The following SLC22A14 variants were observed in gnomAD, a reference collection of about 807,000 sequenced individuals.
SLC22A14 encodes the protein solute carrier family 22 member 14.
A neutral mutation model predicts 53.9 loss-of-function variants in SLC22A14; 50 were observed. The ratio of observed to expected loss-of-function variants is 0.93; its 90% CI spans 0.74 to 1.17. The LOEUF is 1.17. SLC22A14 is among the 50% of genes most tolerant of loss of function. The pLI, the probability that SLC22A14 is intolerant of heterozygous loss-of-function variation, is 0.00. For synonymous variants in SLC22A14, 312 were observed against 303.0 expected (o/e 1.03, Z -0.31); for missense variants, 671 against 734.7 (o/e 0.91, Z 1.00).
In SLC22A14 at chr3:38,297,984, A is replaced by G. The variant is rs1241635763; in HGVS notation, c.1-8043A>G. 2.0e-5 allele frequency among the ~76,000 whole-genome samples: 3 copies of G among 152,052 alleles called. No individual in the cohort carries two copies. In the East Asian group the frequency reaches 5.8e-4, roughly 29 times the overall value. ...AAATGGTGATTTTTGAATTTTCATCATTTTTTCTACACTTATTACTGCGGG... is the reference window on the plus strand; with the variant it reads ...AAATGGTGATTTTTGAATTTTCATCGTTTTTTCTACACTTATTACTGCGGG... On this transcript the variant is annotated intron_variant, in intron 1 of 10. Coordinates refer to ENST00000448498, the MANE Select transcript of SLC22A14 (RefSeq NM_001320033.2).
intron 1 of SLC22A14, among the ~76,000 whole-genome samples, chr3:38,297,231 G>C (rs1249903172): frequency 6.6e-6 from 1 of 152,158 alleles, no homozygotes; most frequent in Non-Finnish European, 1.5e-5. Context: ...GAGCTAAGTT[G>C]CAAGCCCCGT....
chr3:38,303,488 T>TTGTGA (rs59983391), intron 1 of SLC22A14, among the ~76,000 whole-genome samples: 9,710 of 152,158 alleles, frequency 0.064, 362 homozygotes, highest in East Asian at 0.16. Flanking sequence ...CTTCTTTAAC[T>TTGTGA]TGTATTCACA....
intron 4 of SLC22A14, among the ~76,000 whole-genome samples, chr3:38,308,357 TA>T (rs1704374839): frequency 6.6e-6 from 1 of 152,226 alleles, no homozygotes; most frequent in South Asian, 2.1e-4. Context: ...CAGCAGGCAC[TA>T]TTCTATTACT....
chr3:38,280,169 G>A (rs889558086), upstream of SLC22A14, among the ~76,000 whole-genome samples: 1 of 152,156 alleles, frequency 6.6e-6, no homozygotes, highest in Non-Finnish European at 1.5e-5. Flanking sequence ...GGACTTTCCA[G>A]GCCTCCTCTT....
intron 1 of SLC22A14, among the ~76,000 whole-genome samples, chr3:38,285,656 C>T (rs1255970881): frequency 6.6e-6 from 1 of 152,088 alleles, no homozygotes; most frequent in Non-Finnish European, 1.5e-5. Flanking sequence ...TATTGTATTC[C>T]ACTATATAAA....
intron 1 of SLC22A14, among the ~76,000 whole-genome samples, chr3:38,287,253 G>A (rs1553642216): frequency 6.6e-6 from 1 of 152,002 alleles, no homozygotes; most frequent in Non-Finnish European, 1.5e-5. Flanking sequence ...GTATTTCACT[G>A]TATAAATATA....
chr3:38,314,717 C>T (rs759185334), intron 8 of SLC22A14, among the ~76,000 whole-genome samples: 7 of 152,204 alleles, frequency 4.6e-5, no homozygotes, highest in Non-Finnish European at 1.0e-4. Context: ...TGGATTAGGA[C>T]CCTTCCACTC....
Position 38,313,866 on chromosome 3 carries a change from G to A in SLC22A14, c.1303G>A (p.Gly435Arg). The change falls in exon 8 of 11, where the codon GGG becomes AGG. Residue 435 changes from glycine to arginine, a missense_variant. Transcript: ENST00000448498. ...LCCIFLLQQI[G>R]RKWSLAVTLL... The stretch of plus-strand genomic sequence containing the variant: ...CTGCATCTTTCTCCTCCAGCAGATT[G>A]GGAGGAAGTGGAGCCTGGCTGTGAC... 1 of 1,613,946 alleles carries A rather than the reference G, an allele frequency of 6.2e-7. No homozygotes were observed.
At chr3:38,293,509 T>G (rs1346792688) in intron 1 of SLC22A14, among the ~76,000 whole-genome samples, 1 of 152,224 alleles carries the variant, frequency 6.6e-6, no homozygotes, top group African/African-American at 2.4e-5. Context: ...TGTCTGCAGC[T>G]GACTGAGTGA....
intron 1 of SLC22A14, among the ~76,000 whole-genome samples, chr3:38,290,545 A>G (rs77342869): frequency 0.065 from 9,843 of 152,244 alleles, 379 homozygotes; most frequent in East Asian, 0.16. Context: ...TCTGCTTGAC[A>G]GTTTTTAAAA....
At chr3:38,311,745 A>G (rs558511874) in intron 5 of SLC22A14, among the ~76,000 whole-genome samples, 2 of 152,302 alleles carry the variant, frequency 1.3e-5, no homozygotes, top group East Asian at 3.9e-4. Context: ...CCAGTTTCTA[A>G]TAGTTCCTCA....
Position 38,307,508 on chromosome 3 carries a change from G to A in SLC22A14, c.621-58G>A. On this transcript the variant is annotated intron_variant, in intron 3 of 10. Coordinates refer to ENST00000448498, the MANE Select transcript of SLC22A14 (RefSeq NM_001320033.2). The surrounding 1 kb of genome is among the most constrained non-coding windows in gnomAD (Gnocchi z 4.4). Reference sequence around the variant, plus strand: ...TCAGGGCCTGGCCCAGGTGTATCCGGCTGGGGCCAGCCCGGGAGATCCCGG... The same window carrying A: ...TCAGGGCCTGGCCCAGGTGTATCCGACTGGGGCCAGCCCGGGAGATCCCGG... 6.2e-7 allele frequency: 1 copy of A among 1,602,264 alleles called. No homozygotes were observed. Among genetic ancestry groups the A allele is most frequent in the Admixed American group, 1.7e-5 (1 of 59,660 alleles).
chr3:38,305,684 T>G (rs1200126794), intron 1 of SLC22A14: 1 of 243,672 alleles, frequency 4.1e-6, no homozygotes, highest in East Asian at 8.9e-5. Context: ...TCCTACCTTT[T>G]GCAAGACCAC....
chr3:38,315,262 G>T (rs1043824086), intron 8 of SLC22A14, among the ~76,000 whole-genome samples: 2 of 152,284 alleles, frequency 1.3e-5, no homozygotes, highest in African/African-American at 2.4e-5. Context: ...ATTGGGTGAG[G>T]AGGTGGAACG....
chr3:38,309,068 A>T lies in SLC22A14; in HGVS notation c.890A>T (p.Gln297Leu). Residue 297 changes from glutamine (Q) to leucine (L), a missense_variant, in exon 5 of 11, where the codon CAG becomes CTG. Transcript: ENST00000448498. ...TGIAYSLPHW[Q>L]LLFLVGGILV... Reference sequence around the variant, plus strand: ...ATCGCCTACAGTCTTCCCCACTGGCAGCTGCTGTTTCTGGTGGGTGGGATA... The same window carrying T: ...ATCGCCTACAGTCTTCCCCACTGGCTGCTGCTGTTTCTGGTGGGTGGGATA... The T allele has an allele frequency of 6.2e-7, 1 of 1,614,126 alleles. No homozygotes were observed.
intron 5 of SLC22A14, among the ~76,000 whole-genome samples, chr3:38,310,644 C>G (rs998539181): frequency 2.0e-5 from 3 of 152,072 alleles, no homozygotes; most frequent in African/African-American, 7.2e-5. Flanking sequence ...CCATCACTCT[C>G]AGGTCCATTC....
At chr3:38,286,366 G>A (rs1415897487) in intron 1 of SLC22A14, among the ~76,000 whole-genome samples, 7 of 151,884 alleles carry the variant, frequency 4.6e-5, no homozygotes, top group African/African-American at 1.4e-4. Flanking sequence ...GGCCACACGA[G>A]TTTCCTCTTC....
At position 38,307,129 on chromosome 3, in the gene SLC22A14, C is replaced by T. The variant is rs996801191; in HGVS notation, c.517-125C>T. On this transcript the variant is annotated intron_variant, in intron 2 of 10. Coordinates refer to ENST00000448498, the MANE Select transcript of SLC22A14 (RefSeq NM_001320033.2). This position sits in a 1 kb window ranked among gnomAD's most constrained non-coding sequence, Gnocchi z 4.4. ...CAGAGCAGAGGCAACAGCTGAGGCA[C>T]GCTGCACACTGTTAACTGCCCCTAC... 18 of 725,914 alleles carry T rather than the reference C, an allele frequency of 2.5e-5. No homozygotes were observed. Among genetic ancestry groups the T allele is most frequent in the African/African-American group, 1.2e-4 (7 of 58,082 alleles). 45.0% of individuals were successfully genotyped at this position (725,914 alleles called of 1,614,324 possible).
chr3:38,313,693 T>TGTGCACGCGC (rs1553644888), intron 7 of SLC22A14, 34 bp from the exon 8 acceptor site: 1 of 1,333,664 alleles, frequency 7.5e-7, no homozygotes, highest in South Asian at 1.2e-5. Context: ...TGTGCGCGCG[T>TGTGCACGCGC]GTGCACGCGC....
Sources: allele counts gnomAD v4.1 joint callset (sites outside exome capture counted in the v4.1 genomes callset), GRCh38; gene constraint gnomAD v4.1.1; non-coding constraint Gnocchi (gnomAD v3.1); transcripts MANE v1.5; gene names NCBI Gene and HGNC (gene_info 2026-07-23, HGNC 2026-07-21).